GRB14: variants seen among roughly 807,000 people sequenced by gnomAD.
The protein encoded by GRB14 is growth factor receptor-bound protein 14.
A neutral mutation model predicts 69.1 loss-of-function variants in GRB14; 38 were observed. The observed-to-expected ratio is 0.55, with a 90% CI of 0.42 to 0.72. The LOEUF is 0.72. GRB14 is among the 30% of genes least tolerant of loss of function. The pLI is 0.00. For missense variants in GRB14, 666 were observed against 666.1 expected (o/e 1.00, Z 0.00); for synonymous variants, 247 against 241.3 (o/e 1.02, Z -0.22).
intron 3 of GRB14, among the ~76,000 whole-genome samples, chr2:164,532,574 G>A (rs1687973774): frequency 6.6e-6 from 1 of 152,108 alleles, no homozygotes; most frequent in African/African-American, 2.4e-5. Context: ...AGAGGCAGGT[G>A]ATTTAACACA....
intron 2 of GRB14, among the ~76,000 whole-genome samples, chr2:164,565,276 A>ACT (rs1688941109): frequency 1.1e-5 from 1 of 92,826 alleles, no homozygotes; most frequent in Admixed American, 9.8e-5. Context: ...TCTATCACAC[A>ACT]CTCACACACA....
intron 2 of GRB14, among the ~76,000 whole-genome samples, chr2:164,611,232 C>T (rs117076896): frequency 5.9e-5 from 9 of 152,140 alleles, no homozygotes; most frequent in East Asian, 3.9e-4. Context: ...TTACATGCCG[C>T]GATTTACCTT....
At chr2:164,532,063 A>G (rs1687954954) in intron 3 of GRB14, among the ~76,000 whole-genome samples, 1 of 152,192 alleles carries the variant, frequency 6.6e-6, no homozygotes, top group Admixed American at 6.5e-5. Flanking sequence ...AGTTTCTACA[A>G]CATGAAGACA....
chr2:164,493,133 C>A lies in GRB14; in HGVS notation c.1526G>T (p.Arg509Ile), dbSNP rs149584805. The A allele has an allele frequency of 2.5e-6, 4 of 1,613,536 alleles. No homozygotes were observed. Among genetic ancestry groups the A allele is most frequent in the Non-Finnish European group, 3.4e-6 (4 of 1,179,652 alleles). Reference sequence around the variant, plus strand: ...CACCAGCTGTATTAGATCTGTAAATCTTGTGTGGCCATCATCCAGTGTGTG... The same window carrying A: ...CACCAGCTGTATTAGATCTGTAAATATTGTGTGGCCATCATCCAGTGTGTG... Reference protein sequence around the residue: ...MFHTLDDGHTRFTDLIQLVEF... With the variant: ...MFHTLDDGHTIFTDLIQLVEF... Residue 509 changes from arginine to isoleucine, a missense_variant, in exon 14 of 14, where the codon AGA (arginine) becomes ATA (isoleucine). Arg to Ile is a moderately conservative substitution (Grantham distance 97, BLOSUM62 -3). Transcript: ENST00000263915.
At chr2:164,531,645 A>T (rs1687940692) in intron 3 of GRB14, among the ~76,000 whole-genome samples, 1 of 152,110 alleles carries the variant, frequency 6.6e-6, no homozygotes, top group Admixed American at 6.6e-5. Flanking sequence ...CTGCCCTCTG[A>T]GAAAGGAGGC....
At chr2:164,503,442 C>CA (rs148268784) in intron 8 of GRB14, among the ~76,000 whole-genome samples, 1,584 of 91,944 alleles carry the variant, frequency 0.017, 145 homozygotes, top group East Asian at 0.082. Context: ...GGTAATTAGG[C>CA]AAAAAAAAAA....
Position 164,492,846 on chromosome 2 carries a change from G to A in GRB14, c.*190C>T. On this transcript the variant is annotated 3_prime_UTR_variant, in exon 14 of 14. Coordinates refer to ENST00000263915, the MANE Select transcript of GRB14 (RefSeq NM_004490.3). Reference sequence around the variant, plus strand: ...TTCCTAAGGTTTAATTTTAACTAATGAATTTTAAATGATGAATGTAAAGTC... The same window carrying A: ...TTCCTAAGGTTTAATTTTAACTAATAAATTTTAAATGATGAATGTAAAGTC... 2.1e-6 allele frequency: 1 copy of A among 470,506 alleles called. No homozygotes were observed. The highest frequency in any genetic ancestry group is 3.7e-6 in the Non-Finnish European group (1 of 273,388). The allele number at this position is 470,506 out of a possible 1,614,324, so 29.1% of individuals were successfully genotyped here.
chr2:164,528,783 G>T (rs1403558211), intron 3 of GRB14, among the ~76,000 whole-genome samples: 1 of 152,022 alleles, frequency 6.6e-6, no homozygotes, highest in East Asian at 1.9e-4. Context: ...GGCTATAATT[G>T]TTCTCACCCA....
At chr2:164,542,089 A>C (rs1451943310) in intron 3 of GRB14, among the ~76,000 whole-genome samples, 1 of 152,226 alleles carries the variant, frequency 6.6e-6, no homozygotes, top group Non-Finnish European at 1.5e-5. Flanking sequence ...CATATTGACC[A>C]ATGGAACACA....
At chr2:164,498,004 T>A (rs1483766851) in intron 9 of GRB14, among the ~76,000 whole-genome samples, 2 of 152,212 alleles carry the variant, frequency 1.3e-5, no homozygotes. Context: ...TAGATTGACA[T>A]ATATCTCTTG....
chr2:164,501,338 A>C (rs999646004), intron 9 of GRB14, among the ~76,000 whole-genome samples: 1 of 152,030 alleles, frequency 6.6e-6, no homozygotes, highest in Non-Finnish European at 1.5e-5. Context: ...ACTACATTAC[A>C]TGTGGGATAA....
chr2:164,584,567 G>A (rs779327407), intron 2 of GRB14, among the ~76,000 whole-genome samples: 8 of 151,392 alleles, frequency 5.3e-5, no homozygotes, highest in Non-Finnish European at 7.4e-5. Flanking sequence ...GTGTGGCTAA[G>A]AATAAGTCCC....
chr2:164,520,169 T>C (rs191200808), intron 6 of GRB14, among the ~76,000 whole-genome samples: 3 of 152,082 alleles, frequency 2.0e-5, no homozygotes, highest in Non-Finnish European at 2.9e-5. Flanking sequence ...AATAGGCACA[T>C]AGACGAATGG....
intron 2 of GRB14, among the ~76,000 whole-genome samples, chr2:164,618,061 G>A (rs924314032): frequency 2.6e-5 from 4 of 151,900 alleles, no homozygotes; most frequent in Non-Finnish European, 5.9e-5. Flanking sequence ...CCGCCTCCTG[G>A]GTTCAAGCGA....
chr2:164,538,505 G>T (rs567727621), intron 3 of GRB14, among the ~76,000 whole-genome samples: 2 of 152,206 alleles, frequency 1.3e-5, no homozygotes, highest in Non-Finnish European at 2.9e-5. Flanking sequence ...ACTACATCAT[G>T]AAAGGAGAAA....
chr2:164,601,434 T>C (rs1689910715), intron 2 of GRB14, among the ~76,000 whole-genome samples: 1 of 152,116 alleles, frequency 6.6e-6, no homozygotes. Context: ...TATATAAACA[T>C]CTACAATACT....
chr2:164,548,391 T>G (rs1688441252), intron 2 of GRB14, among the ~76,000 whole-genome samples: 1 of 152,202 alleles, frequency 6.6e-6, no homozygotes, highest in Non-Finnish European at 1.5e-5. Flanking sequence ...TCTGTATGTG[T>G]GTGTGTGTGT....
chr2:164,520,652 A>C (rs762699710), intron 6 of GRB14, among the ~76,000 whole-genome samples: 1 of 152,068 alleles, frequency 6.6e-6, no homozygotes, highest in African/African-American at 2.4e-5. Context: ...ACTCAAACAA[A>C]TCAGCAAGAA....
Position 164,502,267 on chromosome 2 carries a change from G to T in GRB14, c.1092C>A (p.Ser364Arg). The T allele has an allele frequency of 6.3e-7, 1 of 1,594,590 alleles. No homozygotes were observed. The highest frequency in any genetic ancestry group is 8.6e-7 in the Non-Finnish European group (1 of 1,163,184). ...ATTTGGTCCTTACCATAGGTGATAT[G>T]CTCTGTGAACTGCAGCCACTTCTAC... Reference protein sequence around the residue: ...YQGRSGCSSQSISPMRSISEN... With the variant: ...YQGRSGCSSQRISPMRSISEN... Residue 364 changes from serine to arginine, a missense_variant, in exon 9 of 14, where the codon AGC (serine) becomes AGA (arginine). Transcript: ENST00000263915.
Sources: allele counts gnomAD v4.1 joint callset (sites outside exome capture counted in the v4.1 genomes callset), GRCh38; gene constraint gnomAD v4.1.1; transcripts MANE v1.5; gene names NCBI Gene and HGNC (gene_info 2026-07-23, HGNC 2026-07-21).